The following GID4 variants were observed in gnomAD, a reference collection of about 807,000 sequenced individuals.
GID4 encodes the protein GID complex subunit 4 homolog.
GID4 carries 7 observed loss-of-function variants against 32.4 expected under a neutral mutation model. The ratio of observed to expected loss-of-function variants is 0.22; its 90% confidence interval spans 0.12 to 0.41. The LOEUF (loss-of-function observed/expected upper bound fraction) is 0.41. Among genes scored for constraint, GID4 ranks in the 10% least tolerant of loss-of-function variants. GID4 has a pLI of 1.00. For synonymous variants in GID4, 166 were observed against 170.0 expected, an observed-to-expected ratio of 0.98 and a Z score of 0.18; for missense variants, 309 against 400.0, an observed-to-expected ratio of 0.77 and a Z score of 1.94.
chr17:18,046,523 G>A (rs892219022), intron 2 of GID4, among the ~76,000 whole-genome samples: 7 of 152,038 alleles, frequency 4.6e-5, no homozygotes, highest in Non-Finnish European at 5.9e-5. Flanking sequence ...CTGGAGTATC[G>A]CTTGAGGCTA....
intron 1 of GID4, among the ~76,000 whole-genome samples, chr17:18,042,101 A>T (rs747271160): frequency 7.9e-5 from 12 of 152,188 alleles, no homozygotes; most frequent in Admixed American, 2.6e-4. Flanking sequence ...CTTAGACTTA[A>T]AATACTTCTG....
intron 3 of GID4, 115 bp from the exon 4 acceptor site, chr17:18,058,753 A>G (rs2142150046): frequency 1.5e-6 from 1 of 658,814 alleles, no homozygotes; most frequent in Non-Finnish European, 2.7e-6. Flanking sequence ...TTTGGGAGCC[A>G]CGTCCCTAGC....
intron 2 of GID4, among the ~76,000 whole-genome samples, chr17:18,053,879 T>C (rs1053877277): frequency 1.3e-5 from 2 of 152,188 alleles, no homozygotes; most frequent in African/African-American, 4.8e-5. Context: ...CATGTAACAA[T>C]TGAAGTCAAA....
Position 18,039,735 on chromosome 17 carries a change from C to G in GID4, c.271C>G (p.Pro91Ala). ...CGCGATGCCGGTCCGCACCGAGTGT[C>G]CCCCGCCGGCCGGTGCCTCCGCTGC... ...DPAMPVRTEC[P>A]PPAGASAASA... Residue 91 changes from proline (P) to alanine (A), a missense_variant, in exon 1 of 6, where the codon CCC becomes GCC. By Grantham distance (27) the Pro-to-Ala change is conservative (BLOSUM62 -1). Around this residue, in one of 2 missense-constraint regions of GID4, gnomAD observed 193 missense variants for 185.8 expected, o/e 1.04. Transcript: ENST00000268719. The surrounding 1 kb of genome is among the most constrained non-coding windows in gnomAD (Gnocchi z 5.3). 2.0e-6 allele frequency: 3 copies of G among 1,527,546 alleles called. No individual in the cohort carries two copies. Among genetic ancestry groups the G allele is most frequent in the Non-Finnish European group, 2.6e-6 (3 of 1,138,942 alleles). The allele number at this position is 1,527,546 out of a possible 1,614,324, so 94.6% of individuals were successfully genotyped here. A position where few individuals can be genotyped will look rare whatever the true frequency, so the allele number is the denominator to read the frequency against.
At chr17:18,042,864 T>G (rs1208069273) in intron 1 of GID4, among the ~76,000 whole-genome samples, 2 of 152,242 alleles carry the variant, frequency 1.3e-5, no homozygotes, top group Admixed American at 1.3e-4. Flanking sequence ...CACTGTAGTC[T>G]TGATTTGAAT....
chr17:18,049,617 A>T (rs983926681), intron 2 of GID4, among the ~76,000 whole-genome samples: 6 of 151,008 alleles, frequency 4.0e-5, no homozygotes, highest in Non-Finnish European at 7.4e-5. Flanking sequence ...TCTACCCTCA[A>T]GTAGGCCCCA....
intron 1 of GID4, among the ~76,000 whole-genome samples, 161 bp from the exon 2 acceptor site, chr17:18,044,986 T>G (rs1189559966): frequency 6.6e-6 from 1 of 152,194 alleles, no homozygotes; most frequent in Non-Finnish European, 1.5e-5. Context: ...GGCATGTGTG[T>G]GGGGAGAACT....
intron 5 of GID4, among the ~76,000 whole-genome samples, chr17:18,064,778 G>T (rs1291002724): frequency 1.3e-5 from 2 of 152,122 alleles, no homozygotes; most frequent in Non-Finnish European, 2.9e-5. Context: ...ATCAGTTTAT[G>T]CCTATGCTAG....
chr17:18,057,804 A>G (rs1289319697), intron 3 of GID4, among the ~76,000 whole-genome samples: 1 of 143,862 alleles, frequency 7.0e-6, no homozygotes, highest in Admixed American at 6.8e-5. Context: ...AAAATATTTG[A>G]AAAAAAAAAT....
At position 18,039,849 on chromosome 17, in the gene GID4, C is replaced by T; in HGVS notation, c.385C>T (p.Arg129Cys). Residue 129 changes from arginine (R) to cysteine (C), a missense_variant, in exon 1 of 6, where the codon CGC (arginine) becomes TGC (cysteine). Physicochemically the swap from Arg to Cys is radical, Grantham distance 180. This residue lies in a region of GID4 where 116 missense variants were observed against 214.2 expected (regional missense o/e 0.54). Transcript: ENST00000268719. The surrounding 1 kb of genome is among the most constrained non-coding windows in gnomAD (Gnocchi z 5.3). Reference protein sequence around the residue: ...TSLLYSGSKFRGHQKSKGNSY... With the variant: ...TSLLYSGSKFCGHQKSKGNSY... ...CCTGCTCTACAGCGGCTCCAAGTTC[C>T]GCGGCCACCAGAAGAGCAAGGGGAA... 1 of 1,549,408 alleles carries T rather than the reference C, an allele frequency of 6.5e-7. No homozygotes were observed. Among genetic ancestry groups the T allele is most frequent in the Non-Finnish European group, 8.7e-7 (1 of 1,146,518 alleles).
chr17:18,042,592 T>G (rs1278892675), intron 1 of GID4, among the ~76,000 whole-genome samples: 1 of 152,280 alleles, frequency 6.6e-6, no homozygotes, highest in Non-Finnish European at 1.5e-5. Flanking sequence ...TTTCCACTTC[T>G]GGCTACTATG....
In GID4 at chr17:18,054,247, G is replaced by C. The variant is rs986391510; in HGVS notation, c.606+13G>C. On this transcript the variant is annotated intron_variant, in intron 3 of 5. Transcript: ENST00000268719. ...TCGGAAACACTGGGTGAGTAAATCT[G>C]ATCTGTGCTGGGTCATCTAGGGGCT... 2 of 1,497,400 alleles carry C rather than the reference G, an allele frequency of 1.3e-6. No homozygotes were observed. The highest frequency in any genetic ancestry group is 1.9e-6 in the Non-Finnish European group (2 of 1,074,050). 92.8% of individuals were successfully genotyped at this position (1,497,400 alleles called of 1,614,324 possible).
rs113384331 is a variant in GID4, at chr17:18,048,166, G to C, written c.498+2960G>C. Among the ~76,000 whole-genome samples the C allele has an allele frequency of 4.8e-3, 723 of 151,382 alleles. 6 individuals carry two copies. Among genetic ancestry groups the C allele is most frequent in the African/African-American group, 0.017 (698 of 41,196 alleles). On this transcript the variant is annotated intron_variant, in intron 2 of 5. Coordinates refer to ENST00000268719, the MANE Select transcript of GID4 (RefSeq NM_024052.5). ...TCCGCCTGTCTCGGCCTCCCATAGC[G>C]CTGGGATTACATGTGTGAGCCACCA...
rs1361659946 is a variant in GID4 at position 18,061,553 on chromosome 17, G to T, written c.709-292G>T. On this transcript the variant is annotated intron_variant, in intron 4 of 5. Coordinates refer to ENST00000268719, the MANE Select transcript of GID4 (RefSeq NM_024052.5). This position sits in a 1 kb window ranked among gnomAD's most constrained non-coding sequence, Gnocchi z 4.4. ...GCAGACAGGCAGGTGAGTAGGTATT[G>T]ATTTATATATTAGATGTTTCGGCCA... Among the ~76,000 whole-genome samples, 1 of 152,162 alleles carries T rather than the reference G, an allele frequency of 6.6e-6. No individual in the cohort carries two copies. Among genetic ancestry groups the T allele is most frequent in the Non-Finnish European group, 1.5e-5 (1 of 68,026 alleles).
At chr17:18,064,589 C>T (rs2045044379) in intron 5 of GID4, among the ~76,000 whole-genome samples, 1 of 152,130 alleles carries the variant, frequency 6.6e-6, no homozygotes, top group South Asian at 2.1e-4. Context: ...ATTTCTCCTC[C>T]CTCTGCATGA....
intron 3 of GID4, chr17:18,056,698 G>A (rs1303335206): frequency 8.4e-6 from 13 of 1,547,274 alleles, no homozygotes; most frequent in East Asian, 4.9e-5. Context: ...ATTGACTTCC[G>A]TTAGAACATT....
At chr17:18,054,007 T>G (rs2044940122) in intron 2 of GID4, 120 bp from the exon 3 acceptor site, 2 of 529,536 alleles carry the variant, frequency 3.8e-6, no homozygotes, top group Non-Finnish European at 6.8e-6. Context: ...CTGGTTTGGA[T>G]TGTCAGGTAG....
At chr17:18,043,262 T>G (rs900006723) in intron 1 of GID4, among the ~76,000 whole-genome samples, 2 of 152,270 alleles carry the variant, frequency 1.3e-5, no homozygotes, top group Non-Finnish European at 1.5e-5. Flanking sequence ...TTGGGCAGAG[T>G]AGAGAGACGC....
At chr17:18,054,597 C>G (rs1261097723) in intron 3 of GID4, among the ~76,000 whole-genome samples, 1 of 152,110 alleles carries the variant, frequency 6.6e-6, no homozygotes, top group Non-Finnish European at 1.5e-5. Flanking sequence ...GTGAAACATG[C>G]AATGATGACC....
Sources: gnomAD v4.1 joint callset for allele counts (sites outside exome capture counted in the v4.1 genomes callset) on GRCh38, gnomAD v4.1.1 for gene constraint, gnomAD v4.1.1 regional missense constraint, Gnocchi (gnomAD v3.1) non-coding constraint, MANE v1.5 for transcripts, NCBI Gene and HGNC (gene_info 2026-07-23, HGNC 2026-07-21) for gene names.